Variants in RYR2 observed in about 807,000 individuals in gnomAD.
The protein encoded by RYR2 is ryanodine receptor 2.
A neutral mutation model predicts 601.1 loss-of-function variants in RYR2; 227 were observed. The observed-to-expected ratio is 0.38, with a 90% confidence interval of 0.34 to 0.42. The LOEUF (loss-of-function observed/expected upper bound fraction) is 0.42, where lower values mean the gene tolerates loss of function less well. RYR2 is among the 10% of genes least tolerant of loss of function. RYR2 has a pLI of 1.00. For synonymous variants in RYR2, 2,223 were observed against 2,175.1 expected (o/e 1.02, Z -0.61); for missense variants, 4,646 against 6,156.5 (o/e 0.75, Z 8.21).
At chr1:237,248,552 G>C (rs1269868655) in intron 1 of RYR2, among the ~76,000 whole-genome samples, 2 of 151,830 alleles carry the variant, frequency 1.3e-5, no homozygotes, top group Admixed American at 6.6e-5. Context: ...ACTTCACACT[G>C]TTTCCTTCTT....
chr1:237,755,115 C>G (rs1274339318), intron 80 of RYR2: 2 of 1,287,392 alleles, frequency 1.6e-6, no homozygotes, highest in Admixed American at 2.3e-5. Context: ...CGAGAACTCT[C>G]TGGTAACAGC....
intron 77 of RYR2, among the ~76,000 whole-genome samples, chr1:237,730,617 T>G (rs962243036): frequency 2.0e-5 from 3 of 152,122 alleles, no homozygotes; most frequent in Non-Finnish European, 4.4e-5. Flanking sequence ...TAAACATGAT[T>G]TAGTCTTTCT....
intron 35 of RYR2, among the ~76,000 whole-genome samples, chr1:237,603,256 A>G (rs1429830102): frequency 1.3e-5 from 2 of 152,174 alleles, no homozygotes; most frequent in African/African-American, 4.8e-5. Context: ...GCGGGGAAAG[A>G]AGACCCTGTT....
intron 98 of RYR2, 51 bp downstream of exon 98, chr1:237,801,967 C>A (rs1574013691): frequency 9.0e-7 from 1 of 1,104,992 alleles, no homozygotes; most frequent in Non-Finnish European, 1.4e-6. Context: ...TTAGATAAGA[C>A]TGTGGGAGTT....
intron 28 of RYR2, among the ~76,000 whole-genome samples, chr1:237,568,057 G>A (rs540022246): frequency 1.3e-5 from 2 of 152,196 alleles, no homozygotes; most frequent in South Asian, 4.1e-4. Context: ...ACCTCCTGAA[G>A]ATCAGATGTA....
At chr1:237,727,048 T>C (rs764845558) in intron 75 of RYR2, 39 bp from the exon 76 acceptor site, 4 of 998,980 alleles carry the variant, frequency 4.0e-6, no homozygotes, top group Non-Finnish European at 6.5e-6. Context: ...TTGAAGGTAG[T>C]TTGGGGTGTA....
At chr1:237,155,557 G>A (rs191902401) in intron 1 of RYR2, among the ~76,000 whole-genome samples, 1 of 152,252 alleles carries the variant, frequency 6.6e-6, no homozygotes, top group African/African-American at 2.4e-5. Flanking sequence ...GGAAACTAAA[G>A]GGAGATACTT....
intron 93 of RYR2, 163 bp from the exon 94 acceptor site, chr1:237,791,942 G>A: frequency 1.6e-6 from 1 of 616,708 alleles, no homozygotes; most frequent in South Asian, 2.1e-5. Context: ...CTTGCCTTTG[G>A]TTTTTGAAAA....
chr1:237,634,973 G>A lies in RYR2; in HGVS notation c.6773G>A (p.Arg2258His), dbSNP rs779289104. 8.1e-6 allele frequency: 13 copies of A among 1,599,244 alleles called. No individual in the cohort carries two copies. Among genetic ancestry groups the A allele is most frequent in the East Asian group, 2.2e-5 (1 of 44,618 alleles). Residue 2258 changes from arginine (R) to histidine (H), a missense_variant, in exon 44 of 105, where the codon CGT becomes CAT. By Grantham distance (29) the Arg-to-His change is conservative. This residue lies in a region of RYR2 where 137 missense variants were observed against 273.6 expected (regional missense o/e 0.50). Coordinates refer to ENST00000366574, the MANE Select transcript of RYR2 (RefSeq NM_001035.3). ...AATAATGAACTAGCATTAGCTCTGC[G>A]TGAGCCGGATCTAGAAAAGGTGAGC... Reference protein sequence around the residue: ...MDNNELALALREPDLEKVVRY... With the variant: ...MDNNELALALHEPDLEKVVRY...
intron 12 of RYR2, among the ~76,000 whole-genome samples, chr1:237,426,150 C>T (rs1706127472): frequency 1.3e-5 from 2 of 152,066 alleles, no homozygotes. Flanking sequence ...CCTGAATGAA[C>T]ATTCCCAATG....
At chr1:237,082,281 G>C (rs1665791930) in intron 1 of RYR2, among the ~76,000 whole-genome samples, 1 of 150,818 alleles carries the variant, frequency 6.6e-6, no homozygotes, top group Non-Finnish European at 1.5e-5. Flanking sequence ...CTGTGTCAGA[G>C]CCTAAGCACT....
chr1:237,534,490 G>A (rs1317074188), intron 25 of RYR2, among the ~76,000 whole-genome samples: 1 of 151,990 alleles, frequency 6.6e-6, no homozygotes, highest in Non-Finnish European at 1.5e-5. Flanking sequence ...AGTGCTGCAT[G>A]CATGAAACAT....
In RYR2 at chr1:237,491,783, CTCTT is replaced by C. The variant is rs1064794455; in HGVS notation, c.1709-17_1709-14del. 4.4e-6 allele frequency: 5 copies of C among 1,140,636 alleles called. No individual in the cohort carries two copies. The highest frequency in any genetic ancestry group is 2.6e-5 in the East Asian group (1 of 38,778). The allele number at this position is 1,140,636 out of a possible 1,614,324, so 70.7% of individuals were successfully genotyped here. A position where few individuals can be genotyped will look rare whatever the true frequency, so the allele number is the denominator to read the frequency against. Reference sequence around the variant, plus strand: ...ACCAATTAATCATGTGTTTTTTTTCCTCTTTCTTTGTTTTATCTTTAGGCATTCT... The same window carrying C: ...ACCAATTAATCATGTGTTTTTTTTCCTCTTTGTTTTATCTTTAGGCATTCT... On this transcript the variant is annotated intron_variant, in intron 17 of 104. Transcript: ENST00000366574.
intron 10 of RYR2, among the ~76,000 whole-genome samples, chr1:237,416,576 C>G (rs1705012396): frequency 6.6e-6 from 1 of 152,072 alleles, no homozygotes; most frequent in Non-Finnish European, 1.5e-5. Context: ...TCTTACATTT[C>G]TTTAAAATGC....
At chr1:237,163,534 A>T (rs903205501) in intron 1 of RYR2, among the ~76,000 whole-genome samples, 1 of 152,178 alleles carries the variant, frequency 6.6e-6, no homozygotes, top group East Asian at 1.9e-4. Flanking sequence ...CTGGGCGTAC[A>T]TCTCATTAGG....
At chr1:237,527,405 T>A (rs561059603) in intron 24 of RYR2, among the ~76,000 whole-genome samples, 25 of 152,338 alleles carry the variant, frequency 1.6e-4, no homozygotes, top group African/African-American at 5.0e-4. Context: ...CCCAGCCAAG[T>A]TGATACATAA....
intron 2 of RYR2, among the ~76,000 whole-genome samples, chr1:237,293,510 C>T (rs1051119846): frequency 5.3e-5 from 8 of 152,106 alleles, no homozygotes; most frequent in Admixed American, 3.3e-4. Context: ...CCCGGCCTGC[C>T]CCTACTTCAG....
At chr1:237,441,861 TTAAAC>T (rs940593907) in intron 13 of RYR2, among the ~76,000 whole-genome samples, 1 of 150,132 alleles carries the variant, frequency 6.7e-6, no homozygotes, top group Non-Finnish European at 1.5e-5. Flanking sequence ...AAGCCAGAAA[TTAAAC>T]TAAACACAAT....
chr1:237,168,689 T>G (rs1263208085), intron 1 of RYR2, among the ~76,000 whole-genome samples: 2 of 117,238 alleles, frequency 1.7e-5, no homozygotes, highest in Non-Finnish European at 3.6e-5. Flanking sequence ...GATTTCACTT[T>G]TCTCTGTTCT....
Sources: allele counts gnomAD v4.1 joint callset (sites outside exome capture counted in the v4.1 genomes callset), GRCh38; gene constraint gnomAD v4.1.1; regional missense constraint gnomAD v4.1.1; transcripts MANE v1.5; gene names NCBI Gene and HGNC (gene_info 2026-07-23, HGNC 2026-07-21).